Variants in RGS22 observed in about 807,000 individuals in gnomAD.
RGS22 encodes the protein regulator of G protein signaling 22, also known as regulator of G-protein signaling 22.
A neutral mutation model predicts 172.9 loss-of-function variants in RGS22; 148 were observed. The ratio of observed to expected loss-of-function variants is 0.86; its 90% CI spans 0.75 to 0.98. The LOEUF (loss-of-function observed/expected upper bound fraction) is 0.98, where lower values mean the gene tolerates loss of function less well. Ranked by LOEUF, RGS22 falls within the 50% of genes least tolerant of loss-of-function variation. The probability of loss-of-function intolerance (pLI) is 0.00; values close to 1 mark genes in which losing one functional copy is unlikely to be tolerated. For missense variants in RGS22, 1,347 were observed against 1,440.8 expected, an observed-to-expected ratio of 0.93 and a Z score of 1.05; for synonymous variants, 458 against 480.2, an observed-to-expected ratio of 0.95 and a Z score of 0.60.
intron 14 of RGS22, among the ~76,000 whole-genome samples, chr8:100,038,353 CTCT>C (rs1264892473): frequency 6.6e-6 from 1 of 151,662 alleles, no homozygotes; most frequent in Non-Finnish European, 1.5e-5. Flanking sequence ...TTCTTTCCTC[CTCT>C]ATTTGGCTTC....
intron 11 of RGS22, among the ~76,000 whole-genome samples, chr8:100,044,231 C>T (rs1364106056): frequency 2.0e-5 from 3 of 152,018 alleles, no homozygotes; most frequent in Admixed American, 6.6e-5. Flanking sequence ...TCATTCTGCT[C>T]ATTCTGGTTT....
At chr8:100,043,197 C>T (rs563845365) in intron 11 of RGS22, among the ~76,000 whole-genome samples, 5 of 152,310 alleles carry the variant, frequency 3.3e-5, no homozygotes, top group African/African-American at 1.2e-4. Context: ...TGAAATCATT[C>T]TTGGTATGAA....
intron 4 of RGS22, among the ~76,000 whole-genome samples, chr8:100,075,886 T>A (rs1811311873): frequency 6.6e-6 from 1 of 151,970 alleles, no homozygotes; most frequent in Non-Finnish European, 1.5e-5. Context: ...CACAAACGTT[T>A]GTTATTATTT....
chr8:100,095,436 G>A (rs1198095204), intron 2 of RGS22, among the ~76,000 whole-genome samples: 1 of 152,002 alleles, frequency 6.6e-6, no homozygotes, highest in African/African-American at 2.4e-5. Flanking sequence ...TGCCCGCCTC[G>A]GCCTCCTAAA....
chr8:100,070,027 C>CAAAAAA (rs777398611), intron 6 of RGS22, among the ~76,000 whole-genome samples: 182 of 39,264 alleles, frequency 4.6e-3, no homozygotes, highest in African/African-American at 6.1e-3. Context: ...GACTCTGTCT[C>CAAAAAA]AAAAAAAAAA....
At chr8:100,089,993 A>G (rs1035531993) in intron 3 of RGS22, among the ~76,000 whole-genome samples, 3 of 152,184 alleles carry the variant, frequency 2.0e-5, no homozygotes, top group Non-Finnish European at 4.4e-5. Flanking sequence ...AAAAAGGCAA[A>G]GCCAATGACA....
At chr8:100,082,814 A>G (rs1811862208) in intron 3 of RGS22, among the ~76,000 whole-genome samples, 1 of 152,220 alleles carries the variant, frequency 6.6e-6, no homozygotes, top group African/African-American at 2.4e-5. Flanking sequence ...TGATTCAAAC[A>G]AAGCATTTTG....
rs56073348 is a variant in RGS22 at position 100,038,712 on chromosome 8, G to A, written c.2166+219C>T. The A allele has an allele frequency of 9.9e-3, 3,669 of 369,236 alleles. 116 individuals carry two copies. Among genetic ancestry groups the A allele is most frequent in the African/African-American group, 0.07 (3,338 of 47,880 alleles). The allele number at this position is 369,236 out of a possible 1,614,324, so 22.9% of individuals were successfully genotyped here. On this transcript the variant is annotated intron_variant, in intron 14 of 27. Transcript: ENST00000360863. ...TCAGAAGAACAAGTAGTTGGCAAGA[G>A]AAAATAAAGCAAACCAAATAAAAGA...
intron 14 of RGS22, among the ~76,000 whole-genome samples, chr8:100,037,972 C>G (rs192091997): frequency 6.6e-6 from 1 of 152,222 alleles, no homozygotes; most frequent in East Asian, 1.9e-4. Flanking sequence ...GTTATTAATG[C>G]CAGAGTCAGG....
Position 99,999,438 on chromosome 8 carries a change from G to A in RGS22, c.2791-18C>T. 1 of 1,609,294 alleles carries A rather than the reference G, an allele frequency of 6.2e-7. No homozygotes were observed. On this transcript the variant is annotated intron_variant, in intron 18 of 27. Transcript: ENST00000360863. Reference sequence around the variant, plus strand: ...TGCATTACCTAAGAAAATTAAGATGGAAACAGAAACTATTGTGCTTTCTAA... The same window carrying A: ...TGCATTACCTAAGAAAATTAAGATGAAAACAGAAACTATTGTGCTTTCTAA...
intron 9 of RGS22, among the ~76,000 whole-genome samples, chr8:100,058,024 T>C (rs1014677897): frequency 6.6e-6 from 1 of 152,154 alleles, no homozygotes; most frequent in Non-Finnish European, 1.5e-5. Context: ...GATATTAAAA[T>C]TGTTAAACAG....
chr8:99,999,147 A>G (rs2131313764), intron 19 of RGS22, 115 bp downstream of exon 19: 2 of 843,924 alleles, frequency 2.4e-6, no homozygotes, highest in Middle Eastern at 3.5e-4. Context: ...TGACAGAGAG[A>G]GCCCATTCCT....
intron 23 of RGS22, among the ~76,000 whole-genome samples, chr8:99,977,270 ATTTTTTT>A (rs895569407): frequency 0.018 from 2,139 of 120,380 alleles, 53 homozygotes; most frequent in African/African-American, 0.061. Flanking sequence ...CGCCCGGTTA[ATTTTTTT>A]TTTTTTTTTT....
intron 9 of RGS22, among the ~76,000 whole-genome samples, chr8:100,062,256 A>G (rs1810196164): frequency 6.6e-6 from 1 of 152,138 alleles, no homozygotes; most frequent in African/African-American, 2.4e-5. Context: ...TAATGACACA[A>G]GTTTACCTAT....
chr8:100,028,011 A>G (rs1818364175), intron 14 of RGS22, among the ~76,000 whole-genome samples: 1 of 152,152 alleles, frequency 6.6e-6, no homozygotes, highest in African/African-American at 2.4e-5. Flanking sequence ...ATAAACATAT[A>G]TATAGTCTTT....
rs1815391030 is a variant in RGS22, at chr8:100,003,984, G to A, written c.2569C>T (p.Leu857Phe). ...TGTTCAAACTCCAGTTTGTTGTTAA[G>A]CAGATCACTAAACTTAAAATGCTTG... ...EYKHFKFSDL[L>F]NNKLEFEHFR... The change falls in exon 17 of 28, where the codon CTT (leucine) becomes TTT (phenylalanine). Residue 857 changes from leucine (L) to phenylalanine (F), a missense_variant. Coordinates refer to ENST00000360863, the MANE Select transcript of RGS22 (RefSeq NM_015668.5). The A allele has an allele frequency of 6.2e-7, 1 of 1,611,602 alleles. No homozygotes were observed. The highest frequency in any genetic ancestry group is 1.3e-5 in the African/African-American group (1 of 74,858).
At chr8:100,054,891 T>C (rs1400979571) in intron 9 of RGS22, among the ~76,000 whole-genome samples, 8 of 152,154 alleles carry the variant, frequency 5.3e-5, no homozygotes, top group Admixed American at 4.6e-4. Context: ...CCCATGGTGA[T>C]GGTGGTTGTG....
chr8:100,044,575 G>A (rs1820510328), intron 11 of RGS22, among the ~76,000 whole-genome samples: 1 of 149,302 alleles, frequency 6.7e-6, no homozygotes, highest in African/African-American at 2.5e-5. Flanking sequence ...TGGCTTCTGT[G>A]ACACCACTCT....
At position 100,062,668 on chromosome 8, in the gene RGS22, C is replaced by A; in HGVS notation, c.1437G>T (p.Leu479=). ...CTTCATTCCACTGTGATCCATCTAA[C>A]AGTTTAAATTTTGATAAGATTTCTG... is the stretch of plus-strand genomic sequence containing the variant. ...LSAEILSKFK[L]LDGSQWNEEH... The change falls in exon 9 of 28, where the codon CTG becomes CTT. Residue 479 remains leucine, a synonymous_variant. Transcript: ENST00000360863. The A allele has an allele frequency of 6.2e-7, 1 of 1,600,604 alleles. No homozygotes were observed. The highest frequency in any genetic ancestry group is 8.5e-7 in the Non-Finnish European group (1 of 1,173,290).
Sources: gnomAD v4.1 joint callset for allele counts (sites outside exome capture counted in the v4.1 genomes callset) on GRCh38, gnomAD v4.1.1 for gene constraint, MANE v1.5 for transcripts, NCBI Gene and HGNC (gene_info 2026-07-23, HGNC 2026-07-21) for gene names.